The following PCDH15 variants were observed in gnomAD, a reference collection of about 807,000 sequenced individuals.
The protein encoded by PCDH15 is protocadherin related 15, also known as protocadherin-15.
PCDH15 carries 129 observed loss-of-function variants against 178.5 expected under a neutral mutation model. That is an observed-to-expected ratio of 0.72 (90% CI 0.63 to 0.84). The LOEUF is 0.84. Among genes scored for constraint, PCDH15 ranks in the 40% least tolerant of loss-of-function variants. The pLI, the probability that PCDH15 is intolerant of heterozygous loss-of-function variation, is 0.00. For missense variants in PCDH15, 2,230 were observed against 2,099.9 expected (o/e 1.06, Z -1.21); for synonymous variants, 800 against 732.0 (o/e 1.09, Z -1.50).
At chr10:54,302,194 C>T (rs1294246843) in intron 8 of PCDH15, among the ~76,000 whole-genome samples, 1 of 152,170 alleles carries the variant, frequency 6.6e-6, no homozygotes, top group East Asian at 1.9e-4. Flanking sequence ...TGTACCCTAA[C>T]TCCCACCCAT....
At chr10:55,437,291 A>G (rs1213235293) in intron 2 of PCDH15, among the ~76,000 whole-genome samples, 2 of 152,198 alleles carry the variant, frequency 1.3e-5, no homozygotes, top group African/African-American at 2.4e-5. Flanking sequence ...GCACAGATAA[A>G]GAGTTTGGGC....
intron 2 of PCDH15, among the ~76,000 whole-genome samples, chr10:55,384,664 C>A (rs1245054859): frequency 6.6e-6 from 1 of 151,880 alleles, no homozygotes; most frequent in Non-Finnish European, 1.5e-5. Context: ...AATACTATTG[C>A]AACATTTAAA....
intron 9 of PCDH15, among the ~76,000 whole-genome samples, chr10:54,231,489 T>G (rs956135491): frequency 2.6e-5 from 4 of 152,212 alleles, no homozygotes; most frequent in African/African-American, 9.6e-5. Context: ...AAGGGAAATG[T>G]GAGGTGGGAG....
At chr10:55,238,233 T>C (rs899563836) in intron 1 of PCDH15, among the ~76,000 whole-genome samples, 1 of 146,926 alleles carries the variant, frequency 6.8e-6, no homozygotes, top group African/African-American at 2.5e-5. Context: ...CACTGCAAGC[T>C]CTGCCTCCCA....
chr10:54,798,775 C>T (rs535518615), intron 1 of PCDH15, among the ~76,000 whole-genome samples: 17 of 152,136 alleles, frequency 1.1e-4, no homozygotes, highest in African/African-American at 3.4e-4. Flanking sequence ...TTTCTCCCAG[C>T]ATTAGGGCTA....
chr10:54,347,093 T>C (rs1174383420), intron 5 of PCDH15, among the ~76,000 whole-genome samples: 1 of 152,144 alleles, frequency 6.6e-6, no homozygotes, highest in Non-Finnish European at 1.5e-5. Flanking sequence ...GAACTTAATA[T>C]GTGTGGCATA....
intron 2 of PCDH15, among the ~76,000 whole-genome samples, chr10:55,539,165 C>T (rs919772864): frequency 7.9e-5 from 12 of 151,498 alleles, no homozygotes; most frequent in Non-Finnish European, 1.3e-4. Flanking sequence ...TCTCTTTTCC[C>T]TCAAACACTA....
chr10:55,059,987 TA>T (rs5785114), intron 2 of PCDH15, among the ~76,000 whole-genome samples: 80,317 of 150,768 alleles, frequency 0.53, 22,302 homozygotes, highest in East Asian at 0.75. Flanking sequence ...TACAAAAAAT[TA>T]AAAAAAAAAA....
At position 54,227,410 on chromosome 10, in the gene PCDH15, G is replaced by T. The variant is rs187587248; in HGVS notation, c.985+9413C>A. On this transcript the variant is annotated intron_variant, in intron 9 of 37. Transcript: ENST00000644397. ...TCTATGTTGGCCCCTTTCAGCCACA[G>T]CTGGAGCAGCTAGGACACAGGGCAA... Among the ~76,000 whole-genome samples, 36 of 152,294 alleles carry T rather than the reference G, an allele frequency of 2.4e-4. No individual in the cohort carries two copies. The East Asian group carries it at 6.4e-3, about 27-fold the overall frequency.
chr10:54,238,572 C>T (rs910205946), intron 8 of PCDH15, among the ~76,000 whole-genome samples: 3 of 151,216 alleles, frequency 2.0e-5, no homozygotes, highest in South Asian at 2.1e-4. Flanking sequence ...CACGAAAATA[C>T]CAAATAAATA....
chr10:53,956,776 C>T (rs2087652223), intron 23 of PCDH15, among the ~76,000 whole-genome samples: 1 of 152,138 alleles, frequency 6.6e-6, no homozygotes, highest in Non-Finnish European at 1.5e-5. Flanking sequence ...GATCAAAATT[C>T]TCCCACATGT....
intron 5 of PCDH15, among the ~76,000 whole-genome samples, chr10:54,359,363 A>G (rs761984792): frequency 3.0e-4 from 46 of 152,168 alleles, no homozygotes; most frequent in Non-Finnish European, 2.2e-4. Context: ...AAAATGTACT[A>G]TATTAATTTA....
In PCDH15 at chr10:54,774,007, C is replaced by CTTTTTTTTTTTT. The variant is rs763704132; in HGVS notation, c.-29+26906_-29+26917dup. Among the ~76,000 whole-genome samples the CTTTTTTTTTTTT allele has an allele frequency of 5.6e-4, 42 of 75,378 alleles. 7 individuals carry two copies. The highest frequency in any genetic ancestry group is 7.6e-4 in the Non-Finnish European group (30 of 39,282). 49.5% of individuals were successfully genotyped at this position (75,378 alleles called of 152,430 possible). On this transcript the variant is annotated intron_variant, in intron 1 of 37. Transcript: ENST00000644397. ...TAGATGAACTGGCATACTTCATAGG[C>CTTTTTTTTTTTT]TTTTTTTTTTTTTTTTTTTTTTTTT...
chr10:53,827,378 G>A lies in PCDH15; in HGVS notation c.4367+15C>T, dbSNP rs1030360862. The stretch of plus-strand genomic sequence containing the variant: ...AACCCAACTACTTCTCAGAGTTCCT[G>A]AACGGTCTACTTACATTGAGCTGTC... On this transcript the variant is annotated intron_variant, in intron 32 of 37. Transcript: ENST00000644397. The A allele has an allele frequency of 6.2e-7, 1 of 1,600,456 alleles. No individual in the cohort carries two copies. Among genetic ancestry groups the A allele is most frequent in the Non-Finnish European group, 8.5e-7 (1 of 1,171,496 alleles).
At chr10:53,866,954 T>C in intron 26 of PCDH15, 97 bp from the exon 27 acceptor site, 1 of 843,366 alleles carries the variant, frequency 1.2e-6, no homozygotes, top group African/African-American at 1.7e-5. Context: ...AGGTTTCTTA[T>C]GTAATAATAA....
intron 25 of PCDH15, among the ~76,000 whole-genome samples, chr10:53,922,522 A>C (rs1404492063): frequency 6.6e-6 from 1 of 152,178 alleles, no homozygotes; most frequent in African/African-American, 2.4e-5. Context: ...GATCTTAAGT[A>C]ATTTCATATA....
At chr10:54,456,296 GCTGTGGGAGCTCAC>G (rs1440338091) in intron 3 of PCDH15, among the ~76,000 whole-genome samples, 1 of 152,178 alleles carries the variant, frequency 6.6e-6, no homozygotes, top group Non-Finnish European at 1.5e-5. Context: ...GCTGCCCAAG[GCTGTGGGAGCTCAC>G]CTCTTGGAAA....
At position 55,026,397 on chromosome 10, in the gene PCDH15, A is replaced by G. The variant is rs537241756; in HGVS notation, c.-79-128897T>C. ...TATAATATTATGTCATATATTATAT[A>G]ACAACACATTCTGAATACTAAAATT... is the stretch of plus-strand genomic sequence containing the variant. On this transcript the variant is annotated intron_variant, in intron 2 of 5. Coordinates refer to the PCDH15 transcript ENST00000458638. 6.6e-5 allele frequency among the ~76,000 whole-genome samples: 10 copies of G among 152,134 alleles called. No individual in the cohort carries two copies. The East Asian group carries it at 1.9e-3, about 29-fold the overall frequency.
At chr10:55,254,255 T>C (rs1333769299) in intron 1 of PCDH15, among the ~76,000 whole-genome samples, 1 of 152,180 alleles carries the variant, frequency 6.6e-6, no homozygotes, top group East Asian at 1.9e-4. Context: ...TGGTACATAA[T>C]AAGGTAGGTT....
Sources: allele counts gnomAD v4.1 joint callset (sites outside exome capture counted in the v4.1 genomes callset), GRCh38; gene constraint gnomAD v4.1.1; transcripts MANE v1.5; gene names NCBI Gene and HGNC (gene_info 2026-07-23, HGNC 2026-07-21).